The following ECT2L variants were observed in gnomAD, a reference collection of about 807,000 sequenced individuals.
ECT2L encodes epithelial cell transforming 2 like, also known as epithelial cell-transforming sequence 2 oncogene-like.
ECT2L carries 126 observed loss-of-function variants against 122.8 expected under a neutral mutation model. That is an observed-to-expected ratio of 1.03 (90% CI 0.89 to 1.19). The LOEUF (loss-of-function observed/expected upper bound fraction) is 1.19. ECT2L is among the 50% of genes most tolerant of loss of function. ECT2L has a pLI of 0.00. For missense variants in ECT2L, 1,012 were observed against 1,064.1 expected (o/e 0.95, Z 0.68); for synonymous variants, 385 against 381.8 (o/e 1.01, Z -0.10).
At chr6:138,835,275 G>T (rs916668237) in intron 4 of ECT2L, among the ~76,000 whole-genome samples, 1 of 152,092 alleles carries the variant, frequency 6.6e-6, no homozygotes, top group Non-Finnish European at 1.5e-5. Flanking sequence ...ATGGCCAGGC[G>T]CAGTGGCTCA....
At chr6:138,861,126 G>A (rs11155015) in intron 10 of ECT2L, among the ~76,000 whole-genome samples, 7 of 151,806 alleles carry the variant, frequency 4.6e-5, no homozygotes, top group East Asian at 1.9e-4. Flanking sequence ...TCCAGTCTAC[G>A]AATGATGGAC....
At chr6:138,844,727 G>A in intron 7 of ECT2L, 147 bp downstream of exon 7, 1 of 685,918 alleles carries the variant, frequency 1.5e-6, no homozygotes. Flanking sequence ...TAATTTTCTA[G>A]AACAGTAGTC....
At chr6:138,867,830 A>AAAATAAAT (rs34144362) in intron 12 of ECT2L, among the ~76,000 whole-genome samples, 6 of 148,530 alleles carry the variant, frequency 4.0e-5, no homozygotes, top group South Asian at 2.1e-4. Flanking sequence ...ACTCCATCTC[A>AAAATAAAT]AAATAAATAA....
intron 3 of ECT2L, 122 bp from the exon 4 acceptor site, chr6:138,814,369 G>A: frequency 1.9e-6 from 1 of 515,236 alleles, no homozygotes; most frequent in Non-Finnish European, 3.3e-6. Context: ...AGCGCTCTGT[G>A]AACTGTAATG....
intron 13 of ECT2L, among the ~76,000 whole-genome samples, chr6:138,873,802 TAAACA>T (rs1778339314): frequency 6.7e-6 from 1 of 150,004 alleles, no homozygotes; most frequent in Non-Finnish European, 1.5e-5. Context: ...CTCAAAAAAA[TAAACA>T]AAACAAAAAA....
chr6:138,841,118 C>T (rs538205043), intron 5 of ECT2L, among the ~76,000 whole-genome samples: 2 of 152,006 alleles, frequency 1.3e-5, no homozygotes, highest in Non-Finnish European at 2.9e-5. Flanking sequence ...AATTCTTTTG[C>T]CAAAATTTTC....
intron 20 of ECT2L, among the ~76,000 whole-genome samples, chr6:138,900,727 C>A (rs1335155904): frequency 6.6e-6 from 1 of 152,148 alleles, no homozygotes; most frequent in East Asian, 1.9e-4. Flanking sequence ...AGCACTCCAC[C>A]AGGAGCCCTG....
At chr6:138,808,852 G>A (rs751788502) in intron 1 of ECT2L, among the ~76,000 whole-genome samples, 2 of 150,726 alleles carry the variant, frequency 1.3e-5, no homozygotes, top group Admixed American at 6.6e-5. Flanking sequence ...TCAGCTTCCC[G>A]ACTAGCTGGG....
intron 1 of ECT2L, among the ~76,000 whole-genome samples, chr6:138,803,125 G>A (rs368738837): frequency 1.3e-5 from 2 of 151,476 alleles, no homozygotes; most frequent in South Asian, 4.2e-4. Context: ...GGAGCAGTTG[G>A]TTATGCCTGT....
Position 138,814,617 on chromosome 6 carries a change from A to G in ECT2L, c.179+14A>G. The G allele has an allele frequency of 6.9e-7, 1 of 1,454,354 alleles. No individual in the cohort carries two copies. Among genetic ancestry groups the G allele is most frequent in the Non-Finnish European group, 9.6e-7 (1 of 1,039,104 alleles). The allele number at this position is 1,454,354 out of a possible 1,614,324, so 90.1% of individuals were successfully genotyped here. Reference sequence around the variant, plus strand: ...ATCACAATTAAGGTAAATGTAGCCTAATGATGTAATTAACATTGATTCTTA... The same window carrying G: ...ATCACAATTAAGGTAAATGTAGCCTGATGATGTAATTAACATTGATTCTTA... On this transcript the variant is annotated intron_variant, in intron 4 of 21. Transcript: ENST00000541398.
Position 138,843,207 on chromosome 6 carries a change from T to G in ECT2L, c.571T>G (p.Trp191Gly), listed in dbSNP as rs2128389510. 1.2e-6 allele frequency: 2 copies of G among 1,609,034 alleles called. No individual in the cohort carries two copies. Among genetic ancestry groups the G allele is most frequent in the Non-Finnish European group, 1.7e-6 (2 of 1,177,446 alleles). Residue 191 changes from tryptophan to glycine, a missense_variant, in exon 6 of 22, where the codon TGG becomes GGG. By Grantham distance (184) the Trp-to-Gly change is radical (BLOSUM62 -2). Coordinates refer to ENST00000541398, the MANE Select transcript of ECT2L (RefSeq NM_001077706.3). Reference protein sequence around the residue: ...QREKCLRKRIWEKIALRKKEL... With the variant: ...QREKCLRKRIGEKIALRKKEL... The stretch of plus-strand genomic sequence containing the variant: ...AGAAAAGTGCCTGAGGAAAAGAATT[T>G]GGGAGAAAATTGCACTACGTAAGAG...
intron 4 of ECT2L, among the ~76,000 whole-genome samples, chr6:138,834,588 A>T (rs1165974553): frequency 6.6e-6 from 1 of 152,184 alleles, no homozygotes; most frequent in African/African-American, 2.4e-5. Flanking sequence ...GGCCGGAAAC[A>T]TCTCTGTTTT....
intron 4 of ECT2L, among the ~76,000 whole-genome samples, chr6:138,820,800 T>A (rs1776242639): frequency 6.6e-6 from 1 of 152,238 alleles, no homozygotes; most frequent in South Asian, 2.1e-4. Context: ...AAGACCATGA[T>A]ACACACATTC....
At chr6:138,797,167 A>C (rs527965802) in intron 1 of ECT2L, among the ~76,000 whole-genome samples, 36 of 152,288 alleles carry the variant, frequency 2.4e-4, no homozygotes, top group South Asian at 1.2e-3. Context: ...GTACTTAATA[A>C]AAATTATATA....
chr6:138,876,388 T>C (rs1422868075), intron 13 of ECT2L, 84 bp from the exon 14 acceptor site: 15 of 883,892 alleles, frequency 1.7e-5, no homozygotes, highest in Non-Finnish European at 2.7e-5. Flanking sequence ...CAGAGGCTTC[T>C]GAGGGCCTCC....
At chr6:138,830,930 C>T (rs1776627932) in intron 4 of ECT2L, among the ~76,000 whole-genome samples, 1 of 152,156 alleles carries the variant, frequency 6.6e-6, no homozygotes, top group Non-Finnish European at 1.5e-5. Flanking sequence ...CAGACATTGC[C>T]TTTGAGTTCC....
intron 4 of ECT2L, among the ~76,000 whole-genome samples, chr6:138,819,744 G>A (rs62440910): frequency 0.092 from 13,988 of 151,848 alleles, 932 homozygotes; most frequent in East Asian, 0.27. Flanking sequence ...AAAATTAGCC[G>A]GGCGTGGTGG....
intron 20 of ECT2L, among the ~76,000 whole-genome samples, chr6:138,889,268 C>T (rs992613410): frequency 6.6e-6 from 1 of 152,154 alleles, no homozygotes; most frequent in Non-Finnish European, 1.5e-5. Flanking sequence ...TTGTCCCTGC[C>T]AGGACCACAA....
intron 20 of ECT2L, among the ~76,000 whole-genome samples, chr6:138,889,318 C>G (rs1778935983): frequency 6.6e-6 from 1 of 151,900 alleles, no homozygotes; most frequent in Admixed American, 6.6e-5. Flanking sequence ...GGTCACTTTT[C>G]TTTTTTCTTT....
Sources: gnomAD v4.1 joint callset for allele counts (sites outside exome capture counted in the v4.1 genomes callset) on GRCh38, gnomAD v4.1.1 for gene constraint, MANE v1.5 for transcripts, NCBI Gene and HGNC (gene_info 2026-07-23, HGNC 2026-07-21) for gene names.